Variants in C21orf91 observed in about 807,000 individuals in gnomAD.
The protein encoded by C21orf91 is protein EURL homolog.
In C21orf91, 26 loss-of-function variants were observed where a neutral mutation model predicts 32.9. The ratio of observed to expected loss-of-function variants is 0.79; its 90% confidence interval spans 0.58 to 1.10. The LOEUF is 1.10. Ranked by LOEUF, C21orf91 falls within the 50% of genes least tolerant of loss-of-function variation. The probability of loss-of-function intolerance (pLI) is 0.00; values close to 1 mark genes in which losing one functional copy is unlikely to be tolerated. For synonymous variants in C21orf91, 126 were observed against 120.4 expected (o/e 1.05, Z -0.31); for missense variants, 310 against 341.3 (o/e 0.91, Z 0.72).
chr21:17,805,363 G>A (rs1329255731), intron 2 of C21orf91, among the ~76,000 whole-genome samples: 2 of 152,176 alleles, frequency 1.3e-5, no homozygotes, highest in East Asian at 3.9e-4. Context: ...ACCCAGGCTG[G>A]AGTACAATGG....
chr21:17,801,424 C>T (rs1001945215), intron 2 of C21orf91, among the ~76,000 whole-genome samples: 1 of 152,046 alleles, frequency 6.6e-6, no homozygotes, highest in African/African-American at 2.4e-5. Context: ...GTGCCCGCCA[C>T]CACGCCTGGC....
intron 2 of C21orf91, among the ~76,000 whole-genome samples, chr21:17,806,479 A>G (rs2062594614): frequency 6.6e-6 from 1 of 151,266 alleles, no homozygotes; most frequent in Non-Finnish European, 1.5e-5. Flanking sequence ...TACATAGAAA[A>G]TAACTGTAGG....
At chr21:17,801,546 AG>A (rs1160616541) in intron 2 of C21orf91, among the ~76,000 whole-genome samples, 1 of 152,138 alleles carries the variant, frequency 6.6e-6, no homozygotes, top group African/African-American at 2.4e-5. Context: ...CTGGGATTAC[AG>A]GCTTGAGCCA....
chr21:17,798,632 A>G (rs2062537720), intron 2 of C21orf91, among the ~76,000 whole-genome samples: 1 of 152,200 alleles, frequency 6.6e-6, no homozygotes, highest in Admixed American at 6.5e-5. Context: ...ATACATTTCT[A>G]CCAGTTATTA....
chr21:17,797,753 CTCAA>C (rs1291264288), intron 2 of C21orf91, among the ~76,000 whole-genome samples: 21 of 151,994 alleles, frequency 1.4e-4, no homozygotes, highest in African/African-American at 2.9e-4. Context: ...ATGCATTATA[CTCAA>C]TCATTTTCCA....
chr21:17,802,890 C>T (rs368474075), intron 2 of C21orf91, among the ~76,000 whole-genome samples: 6 of 152,148 alleles, frequency 3.9e-5, no homozygotes, highest in African/African-American at 1.4e-4. Context: ...ATTTCCCAAC[C>T]AAAGGACTGG....
chr21:17,812,531 C>T (rs774262017), intron 2 of C21orf91, among the ~76,000 whole-genome samples: 2 of 152,130 alleles, frequency 1.3e-5, no homozygotes, highest in African/African-American at 4.8e-5. Flanking sequence ...CACTGTTGGC[C>T]GGGCGCGGTG....
At chr21:17,801,998 T>C (rs1212687923) in intron 2 of C21orf91, among the ~76,000 whole-genome samples, 4 of 152,196 alleles carry the variant, frequency 2.6e-5, no homozygotes. Context: ...TATACTATTA[T>C]TCTGTACTTT....
At position 17,813,263 on chromosome 21, in the gene C21orf91, T is replaced by C. The variant is rs117955660; in HGVS notation, c.127+4929A>G. Among the ~76,000 whole-genome samples the C allele has an allele frequency of 2.5e-3, 376 of 152,318 alleles. 10 individuals are homozygous for C. The East Asian group carries it at 0.068, about 28-fold the overall frequency. Reference sequence around the variant, plus strand: ...GCAGGACATAGAGGAACAGTTTATGTTCCCTTCGAGTAATAAACAACCAGT... The same window carrying C: ...GCAGGACATAGAGGAACAGTTTATGCTCCCTTCGAGTAATAAACAACCAGT... On this transcript the variant is annotated intron_variant, in intron 2 of 4. Coordinates refer to ENST00000284881, the MANE Select transcript of C21orf91 (RefSeq NM_001100420.2).
rs150679266 is a variant in C21orf91, at chr21:17,812,824, A to C, written c.127+5368T>G. ...ACTCCATCTTGGAAAAAAACAAAAA[A>C]AAACAAACAAAAAAAATCCACTTTT... On this transcript the variant is annotated intron_variant, in intron 2 of 4. Coordinates refer to ENST00000284881, the MANE Select transcript of C21orf91 (RefSeq NM_001100420.2). Among the ~76,000 whole-genome samples the C allele has an allele frequency of 7.4e-3, 1,117 of 151,806 alleles. 16 individuals carry two copies. Among genetic ancestry groups the C allele is most frequent in the African/African-American group, 0.025 (1,040 of 41,488 alleles).
At chr21:17,806,968 G>T (rs776630503) in intron 2 of C21orf91, among the ~76,000 whole-genome samples, 5 of 152,110 alleles carry the variant, frequency 3.3e-5, no homozygotes, top group Admixed American at 2.0e-4. Flanking sequence ...TGAGAATTGA[G>T]ATCTCCCAGA....
chr21:17,800,761 T>C (rs1021789639), intron 2 of C21orf91, among the ~76,000 whole-genome samples: 1 of 152,236 alleles, frequency 6.6e-6, no homozygotes, highest in African/African-American at 2.4e-5. Context: ...TGACTTCCTA[T>C]TATAAAAACA....
chr21:17,801,236 T>C (rs1043291460), intron 2 of C21orf91, among the ~76,000 whole-genome samples: 2 of 151,808 alleles, frequency 1.3e-5, no homozygotes, highest in Non-Finnish European at 2.9e-5. Flanking sequence ...AAGGATGAGT[T>C]CATGTCTAAC....
chr21:17,789,445 C>G lies in C21orf91; in HGVS notation c.*3970G>C, dbSNP rs908257822. 1 of 152,092 alleles carries G rather than the reference C, an allele frequency of 6.6e-6. No homozygotes were observed. 9.4% of individuals were successfully genotyped at this position (152,092 alleles called of 1,614,324 possible). ...TTAGGTGTAGTTGAGGGAAGTTCAA[C>G]TAATCTTTAAACCTTTTTTGGGAGA... On this transcript the variant is annotated 3_prime_UTR_variant, in exon 5 of 5. Coordinates refer to ENST00000284881, the MANE Select transcript of C21orf91 (RefSeq NM_001100420.2).
At chr21:17,804,081 T>C (rs2062579861) in intron 2 of C21orf91, among the ~76,000 whole-genome samples, 1 of 152,202 alleles carries the variant, frequency 6.6e-6, no homozygotes, top group South Asian at 2.1e-4. Flanking sequence ...GAGACTAGGC[T>C]GGATTGCTGC....
At position 17,789,795 on chromosome 21, in the gene C21orf91, G is replaced by C. The variant is rs1432932596; in HGVS notation, c.*3620C>G. On this transcript the variant is annotated 3_prime_UTR_variant, in exon 5 of 5. Coordinates refer to ENST00000284881, the MANE Select transcript of C21orf91 (RefSeq NM_001100420.2). ...TTTGTGTGAGGGCTCTAGTATTCTG[G>C]TAAATAAACTCTTCCCTGCCCCATG... 1 of 152,010 alleles carries C rather than the reference G, an allele frequency of 6.6e-6. No homozygotes were observed. Among genetic ancestry groups the C allele is most frequent in the Non-Finnish European group, 1.5e-5 (1 of 67,956 alleles). 9.4% of individuals were successfully genotyped at this position (152,010 alleles called of 1,614,324 possible).
chr21:17,801,450 T>TTA (rs1187398597), intron 2 of C21orf91, among the ~76,000 whole-genome samples: 1 of 152,096 alleles, frequency 6.6e-6, no homozygotes, highest in African/African-American at 2.4e-5. Context: ...TTTTGTATTT[T>TTA]TAGTAGAGAC....
At chr21:17,806,437 T>G (rs935958302) in intron 2 of C21orf91, among the ~76,000 whole-genome samples, 8 of 152,196 alleles carry the variant, frequency 5.3e-5, no homozygotes, top group African/African-American at 1.9e-4. Flanking sequence ...ATTTCTGATA[T>G]GCTAATCATT....
chr21:17,795,146 C>T (rs1233573364), intron 4 of C21orf91, 62 bp downstream of exon 4: 1 of 1,015,922 alleles, frequency 9.8e-7, no homozygotes, highest in Non-Finnish European at 1.6e-6. Context: ...GGTGTCCTAT[C>T]ATAGATGATT....
Sources: gnomAD v4.1 joint callset for allele counts (sites outside exome capture counted in the v4.1 genomes callset) on GRCh38, gnomAD v4.1.1 for gene constraint, MANE v1.5 for transcripts, NCBI Gene and HGNC (gene_info 2026-07-23, HGNC 2026-07-21) for gene names.